Variants in CD226 observed in about 807,000 individuals in gnomAD.
CD226 encodes the protein CD226 molecule, also known as CD226 antigen.
A neutral mutation model predicts 34.9 loss-of-function variants in CD226; 24 were observed. That is an observed-to-expected ratio of 0.69 (90% CI 0.50 to 0.97). CD226 has a LOEUF of 0.97. Among genes scored for constraint, CD226 ranks in the 50% least tolerant of loss-of-function variants. The pLI is 0.00. For missense variants in CD226, 397 were observed against 412.7 expected (o/e 0.96, Z 0.33); for synonymous variants, 148 against 147.4 (o/e 1.00, Z -0.03).
intron 3 of CD226, among the ~76,000 whole-genome samples, chr18:69,874,748 A>C (rs2145194661): frequency 6.6e-6 from 1 of 151,998 alleles, no homozygotes; most frequent in South Asian, 2.1e-4. Context: ...TACTGCAAAG[A>C]GAAACTAAGA....
chr18:69,901,860 C>T (rs1328460467), intron 2 of CD226, among the ~76,000 whole-genome samples: 2 of 145,360 alleles, frequency 1.4e-5, no homozygotes, highest in Non-Finnish European at 3.0e-5. Flanking sequence ...GCCTGGGCGA[C>T]AGAGCAAGAC....
chr18:69,945,814 T>A (rs555105285), intron 2 of CD226, among the ~76,000 whole-genome samples: 7 of 152,214 alleles, frequency 4.6e-5, no homozygotes, highest in Admixed American at 3.9e-4. Flanking sequence ...GCACCACATG[T>A]CTGGGGAAGC....
chr18:69,953,027 A>C (rs2055866884), intron 1 of CD226, among the ~76,000 whole-genome samples: 2 of 152,220 alleles, frequency 1.3e-5, no homozygotes, highest in Non-Finnish European at 2.9e-5. Flanking sequence ...CTTTATATCT[A>C]CTAGGATGGA....
Position 69,946,769 on chromosome 18 carries a change from C to A in CD226, c.347G>T (p.Gly116Val), listed in dbSNP as rs1035581732. 1 of 1,613,400 alleles carries A rather than the reference C, an allele frequency of 6.2e-7. No homozygotes were observed. The highest frequency in any genetic ancestry group is 1.3e-5 in the African/African-American group (1 of 74,792). ...CACCTGTATCACCTTCTGCCAAGTT[C>A]CCTGTGGGTAAGTGTAAAGAGAGCA... is the stretch of plus-strand genomic sequence containing the variant. ...YSCSLYTYPQ[G>V]TWQKVIQVVQ... The change falls in exon 2 of 6, where the codon GGA (glycine) becomes GTA (valine). Residue 116 changes from glycine (G) to valine (V), a missense_variant. Gly to Val is a moderately radical substitution (Grantham distance 109). Transcript: ENST00000582621.
chr18:69,961,409 G>A (rs1038123499), upstream of CD226, among the ~76,000 whole-genome samples: 3 of 152,196 alleles, frequency 2.0e-5, no homozygotes, highest in African/African-American at 7.2e-5. Context: ...GGCTATTCAT[G>A]AGGCACTTAT....
intron 2 of CD226, among the ~76,000 whole-genome samples, chr18:69,904,161 C>T (rs1283037556): frequency 1.3e-5 from 2 of 152,150 alleles, no homozygotes; most frequent in Non-Finnish European, 2.9e-5. Context: ...GATAAAAACA[C>T]AACCCGACAA....
chr18:69,887,463 C>T (rs972446995), intron 3 of CD226, among the ~76,000 whole-genome samples: 8 of 152,314 alleles, frequency 5.3e-5, no homozygotes, highest in African/African-American at 1.9e-4. Context: ...AACTTCCCTC[C>T]CATGGGTTCA....
intron 2 of CD226, among the ~76,000 whole-genome samples, chr18:69,902,268 C>T (rs561807863): frequency 2.0e-5 from 3 of 152,192 alleles, no homozygotes; most frequent in Non-Finnish European, 4.4e-5. Flanking sequence ...GACCTTTTGG[C>T]GCCATCCAGT....
chr18:69,957,948 C>A (rs1027455142), upstream of CD226, among the ~76,000 whole-genome samples: 1 of 152,182 alleles, frequency 6.6e-6, no homozygotes, highest in African/African-American at 2.4e-5. Context: ...GTCTTCTGCT[C>A]ACTCCTAGCC....
In CD226 at chr18:69,853,533, A is replaced by C. The variant is rs777457901; in HGVS notation, c.*10781T>G. 2 of 152,352 alleles carry C rather than the reference A, an allele frequency of 1.3e-5. No individual in the cohort carries two copies. Among genetic ancestry groups the C allele is most frequent in the Non-Finnish European group, 2.9e-5 (2 of 68,042 alleles). 9.4% of individuals were successfully genotyped at this position (152,352 alleles called of 1,614,324 possible). A position where few individuals can be genotyped will look rare whatever the true frequency, so the allele number is the denominator to read the frequency against. On this transcript the variant is annotated 3_prime_UTR_variant, in exon 6 of 6. Transcript: ENST00000582621. Reference sequence around the variant, plus strand: ...ATTCTCATTTACCTTTTGTGCAACTAAACCTTAAAATGAATTAATATTGAA... The same window carrying C: ...ATTCTCATTTACCTTTTGTGCAACTCAACCTTAAAATGAATTAATATTGAA...
chr18:69,909,084 A>C (rs2055292117), intron 2 of CD226, among the ~76,000 whole-genome samples: 1 of 152,088 alleles, frequency 6.6e-6, no homozygotes. Context: ...TCTACCTTCT[A>C]TTGTGTTGTT....
At chr18:69,885,396 C>T (rs1437115105) in intron 3 of CD226, among the ~76,000 whole-genome samples, 1 of 152,126 alleles carries the variant, frequency 6.6e-6, no homozygotes, top group Non-Finnish European at 1.5e-5. Flanking sequence ...GCTCTGGTTT[C>T]AAGAAGCCAT....
chr18:69,861,562 A>ATATATATATATATATATATG lies in CD226; in HGVS notation c.*2751_*2752insCATATATATATATATATATA, dbSNP rs919072826. 7.6e-5 allele frequency: 11 copies of ATATATATATATATATATATG among 145,536 alleles called. No homozygotes were observed. Among genetic ancestry groups the ATATATATATATATATATATG allele is most frequent in the African/African-American group, 2.5e-4 (10 of 40,358 alleles). The allele number at this position is 145,536 out of a possible 1,614,324, so 9.0% of individuals were successfully genotyped here. A position where few individuals can be genotyped will look rare whatever the true frequency, so the allele number is the denominator to read the frequency against. ...TATGTGTATATATATATGTATATAT[A>ATATATATATATATATATATG]TATATATATATGTAAAACTTAAGAA... is the stretch of plus-strand genomic sequence containing the variant. On this transcript the variant is annotated 3_prime_UTR_variant, in exon 6 of 6. Coordinates refer to ENST00000582621, the MANE Select transcript of CD226 (RefSeq NM_001303618.2).
At chr18:69,889,487 TA>T (rs11452379) in intron 3 of CD226, among the ~76,000 whole-genome samples, 96,852 of 147,292 alleles carry the variant, frequency 0.66, 33,129 homozygotes, top group East Asian at 0.79. Flanking sequence ...ATGGAATCCT[TA>T]AAAAAAAAAA....
intron 2 of CD226, among the ~76,000 whole-genome samples, chr18:69,904,990 A>T (rs1310934331): frequency 6.6e-6 from 1 of 152,254 alleles, no homozygotes; most frequent in African/African-American, 2.4e-5. Context: ...TATTTTCAGT[A>T]TATTTTTAAA....
intron 2 of CD226, among the ~76,000 whole-genome samples, chr18:69,910,683 TCA>T (rs1367381580): frequency 6.6e-6 from 1 of 152,234 alleles, no homozygotes; most frequent in Non-Finnish European, 1.5e-5. Flanking sequence ...TATACTAGTT[TCA>T]GTTTCTTTGG....
At chr18:69,891,023 A>AAAG (rs1434081833) in intron 3 of CD226, among the ~76,000 whole-genome samples, 1 of 151,730 alleles carries the variant, frequency 6.6e-6, no homozygotes, top group Non-Finnish European at 1.5e-5. Context: ...ACCACAAAAA[A>AAAG]AAAAAAAAAA....
At chr18:69,931,250 G>T (rs907819684) in intron 2 of CD226, among the ~76,000 whole-genome samples, 2 of 152,010 alleles carry the variant, frequency 1.3e-5, no homozygotes, top group Non-Finnish European at 2.9e-5. Flanking sequence ...GGAGAGGGGG[G>T]AGGGATAGCA....
At position 69,942,069 on chromosome 18, in the gene CD226, G is replaced by C. The variant is rs116987810; in HGVS notation, c.382+4665C>G. 9.7e-3 allele frequency among the ~76,000 whole-genome samples: 1,477 copies of C among 152,282 alleles called. 7 individuals are homozygous for C. Among genetic ancestry groups the C allele is most frequent in the Middle Eastern group, 0.041 (12 of 294 alleles). ...CCTGCTGCCATGTGAAGAAGGACAT[G>C]TTTGCTCCCCTTTTCACCATGATTG... On this transcript the variant is annotated intron_variant, in intron 2 of 5. Transcript: ENST00000582621.
Sources: gnomAD v4.1 joint callset for allele counts (sites outside exome capture counted in the v4.1 genomes callset) on GRCh38, gnomAD v4.1.1 for gene constraint, MANE v1.5 for transcripts, NCBI Gene and HGNC (gene_info 2026-07-23, HGNC 2026-07-21) for gene names.